ST7: variants seen among roughly 807,000 people sequenced by gnomAD.
ST7 encodes suppressor of tumorigenicity 7 protein.
ST7 carries 28 observed loss-of-function variants against 78.7 expected under a neutral mutation model. That is an observed-to-expected ratio of 0.36 (90% CI 0.26 to 0.49). The LOEUF is 0.49. ST7 is among the 20% of genes least tolerant of loss of function. The pLI is 0.99. For synonymous variants in ST7, 247 were observed against 249.6 expected, an observed-to-expected ratio of 0.99 and a Z score of 0.10; for missense variants, 418 against 696.0, an observed-to-expected ratio of 0.60 and a Z score of 4.49.
At chr7:117,148,425 G>T (rs1388281534) in intron 9 of ST7, among the ~76,000 whole-genome samples, 2 of 152,046 alleles carry the variant, frequency 1.3e-5, no homozygotes, top group African/African-American at 4.8e-5. Flanking sequence ...TAAAATTTTT[G>T]ATGAATATTG....
intron 12 of ST7, among the ~76,000 whole-genome samples, chr7:117,201,824 C>T (rs1474127139): frequency 6.6e-6 from 1 of 152,032 alleles, no homozygotes; most frequent in East Asian, 1.9e-4. Context: ...TTGAGGCCAT[C>T]TCGACTCCAT....
Position 117,229,979 on chromosome 7 carries a change from G to A in ST7, c.*122G>A, listed in dbSNP as rs751865752. 1 of 887,490 alleles carries A rather than the reference G, an allele frequency of 1.1e-6. No homozygotes were observed. Among genetic ancestry groups the A allele is most frequent in the Non-Finnish European group, 1.9e-6 (1 of 519,694 alleles). The allele number at this position is 887,490 out of a possible 1,614,324, so 55.0% of individuals were successfully genotyped here. A position where few individuals can be genotyped will look rare whatever the true frequency, so the allele number is the denominator to read the frequency against. ...GGAAGCCATTCCGAGATTTTAAAAT[G>A]TTCATGGACTATTCCATATTAAAAG... is the stretch of plus-strand genomic sequence containing the variant. On this transcript the variant is annotated 3_prime_UTR_variant, in exon 16 of 16. Transcript: ENST00000323984.
At chr7:116,984,463 G>A (rs1170865958) in intron 1 of ST7, among the ~76,000 whole-genome samples, 4 of 152,076 alleles carry the variant, frequency 2.6e-5, no homozygotes, top group Admixed American at 1.3e-4. Flanking sequence ...GGTCGGTTAC[G>A]TGTGCCCTAA....
intron 12 of ST7, among the ~76,000 whole-genome samples, chr7:117,208,308 T>C (rs954372177): frequency 2.6e-5 from 4 of 152,168 alleles, no homozygotes; most frequent in African/African-American, 9.6e-5. Context: ...ACACCTCTCA[T>C]GGACCAGCCT....
At chr7:116,988,585 T>A (rs1485973129) in intron 1 of ST7, among the ~76,000 whole-genome samples, 1 of 152,208 alleles carries the variant, frequency 6.6e-6, no homozygotes, top group Non-Finnish European at 1.5e-5. Context: ...GGGCACTCTT[T>A]AAAAGATAAA....
In ST7 at chr7:117,099,744, C is replaced by G; in HGVS notation, c.152-18C>G. The G allele has an allele frequency of 6.2e-7, 1 of 1,601,728 alleles. No individual in the cohort carries two copies. The highest frequency in any genetic ancestry group is 8.5e-7 in the Non-Finnish European group (1 of 1,172,490). On this transcript the variant is annotated intron_variant, in intron 1 of 15. Transcript: ENST00000323984. ...ACATTCCTTGTTCTTCTCCCTTTCTCTCTCTTTTCTTTTTCAGTGAGCATG... is the reference window on the plus strand; with the variant it reads ...ACATTCCTTGTTCTTCTCCCTTTCTGTCTCTTTTCTTTTTCAGTGAGCATG...
intron 1 of ST7, chr7:116,972,310 G>C (rs1260333101): frequency 3.4e-6 from 2 of 583,246 alleles, no homozygotes; most frequent in African/African-American, 3.7e-5. Context: ...CCCATCACGG[G>C]CCTCTCCCTC....
At chr7:117,065,313 A>G (rs960593279) in intron 1 of ST7, among the ~76,000 whole-genome samples, 2 of 145,802 alleles carry the variant, frequency 1.4e-5, no homozygotes, top group Non-Finnish European at 3.0e-5. Flanking sequence ...GGTTCACGCC[A>G]TTCTCCCGCC....
At chr7:116,958,821 C>T in intron 1 of ST7, 1 of 354,580 alleles carries the variant, frequency 2.8e-6, no homozygotes, top group South Asian at 2.2e-5. Flanking sequence ...TCCTTTATTG[C>T]TAAAAAAAAA....
chr7:117,216,149 G>A (rs1233867151), intron 13 of ST7, among the ~76,000 whole-genome samples: 3 of 152,106 alleles, frequency 2.0e-5, no homozygotes, highest in Admixed American at 6.5e-5. Context: ...TAGAAAATGT[G>A]TCTGGTCAGG....
At chr7:117,162,559 G>T (rs1403057232) in intron 9 of ST7, among the ~76,000 whole-genome samples, 1 of 150,682 alleles carries the variant, frequency 6.6e-6, no homozygotes, top group Non-Finnish European at 1.5e-5. Flanking sequence ...ATAAATAGTG[G>T]ACTAAACAGA....
At chr7:117,212,004 G>T (rs1209694174) in intron 13 of ST7, among the ~76,000 whole-genome samples, 2 of 152,196 alleles carry the variant, frequency 1.3e-5, no homozygotes, top group Non-Finnish European at 2.9e-5. Context: ...AGATAGGCAG[G>T]AACCACTCTG....
At chr7:117,159,726 A>G (rs1806979988) in intron 9 of ST7, among the ~76,000 whole-genome samples, 3 of 152,238 alleles carry the variant, frequency 2.0e-5, no homozygotes, top group South Asian at 4.2e-4. Flanking sequence ...TAAAAAATGA[A>G]AACTATTCAC....
At chr7:117,056,223 A>C (rs1215486383) in intron 1 of ST7, among the ~76,000 whole-genome samples, 2 of 152,214 alleles carry the variant, frequency 1.3e-5, no homozygotes, top group African/African-American at 4.8e-5. Context: ...GTTGACACTC[A>C]GCATTAACAA....
chr7:117,150,467 C>A (rs887541670), intron 9 of ST7, among the ~76,000 whole-genome samples: 6 of 152,138 alleles, frequency 3.9e-5, no homozygotes, highest in Admixed American at 3.9e-4. Context: ...TCAGTTGTAA[C>A]CTCTTTTCAG....
At chr7:117,068,952 G>T (rs1798780517) in intron 1 of ST7, among the ~76,000 whole-genome samples, 1 of 152,200 alleles carries the variant, frequency 6.6e-6, no homozygotes, top group African/African-American at 2.4e-5. Context: ...ATTCTGAGAA[G>T]GGATCTTTTG....
chr7:117,106,191 G>C (rs1180154250), intron 2 of ST7, among the ~76,000 whole-genome samples: 2 of 151,798 alleles, frequency 1.3e-5, no homozygotes, highest in Non-Finnish European at 2.9e-5. Flanking sequence ...GTAGAGACGG[G>C]GTTTCACCTT....
chr7:116,953,710 G>T lies in ST7; in HGVS notation c.151+19G>T. The T allele has an allele frequency of 7.0e-7, 1 of 1,421,834 alleles. No homozygotes were observed. Among genetic ancestry groups the T allele is most frequent in the East Asian group, 3.1e-5 (1 of 31,826 alleles). 88.1% of individuals were successfully genotyped at this position (1,421,834 alleles called of 1,614,324 possible). A position where few individuals can be genotyped will look rare whatever the true frequency, so the allele number is the denominator to read the frequency against. Reference sequence around the variant, plus strand: ...AGCACAGGTAAGGCCTGGGAGCCGGGCCCGCGGCGCCCACCCCTCCCCCGC... The same window carrying T: ...AGCACAGGTAAGGCCTGGGAGCCGGTCCCGCGGCGCCCACCCCTCCCCCGC... On this transcript the variant is annotated intron_variant, in intron 1 of 15. Coordinates refer to ENST00000323984, the MANE Select transcript of ST7 (RefSeq NM_001369598.1).
At chr7:116,966,813 A>C (rs1793141417) in intron 1 of ST7, among the ~76,000 whole-genome samples, 1 of 152,214 alleles carries the variant, frequency 6.6e-6, no homozygotes, top group Non-Finnish European at 1.5e-5. Flanking sequence ...AATTGAAAGC[A>C]GCTCCCTTCT....
Sources: gnomAD v4.1 joint callset for allele counts (sites outside exome capture counted in the v4.1 genomes callset) on GRCh38, gnomAD v4.1.1 for gene constraint, MANE v1.5 for transcripts, NCBI Gene and HGNC (gene_info 2026-07-23, HGNC 2026-07-21) for gene names.